Variants in CDC6 observed in about 807,000 individuals in gnomAD.
CDC6 encodes the protein cell division cycle 6.
In CDC6, 46 loss-of-function variants were observed where a neutral mutation model predicts 60.2. The ratio of observed to expected loss-of-function variants is 0.76; its 90% CI spans 0.60 to 0.98. The LOEUF is 0.98. CDC6 is among the 50% of genes least tolerant of loss of function. The pLI is 0.00. For synonymous variants in CDC6, 210 were observed against 233.2 expected, an observed-to-expected ratio of 0.90 and a Z score of 0.90; for missense variants, 596 against 652.9, an observed-to-expected ratio of 0.91 and a Z score of 0.95.
chr17:40,293,956 G>A lies in CDC6; in HGVS notation c.843G>A (p.Leu281=), dbSNP rs1421630559. 1 of 1,610,848 alleles carries A rather than the reference G, an allele frequency of 6.2e-7. No homozygotes were observed. The highest frequency in any genetic ancestry group is 8.5e-7 in the Non-Finnish European group (1 of 1,177,074). Reference sequence around the variant, plus strand: ...ACTGTTTCTCTTTTTATAGTGTGTTGGTATTGGACGAGATGGATCAACTGG... The same window carrying A: ...ACTGTTTCTCTTTTTATAGTGTGTTAGTATTGGACGAGATGGATCAACTGG... ...MTAEKGPMIV[L]VLDEMDQLDS... The change falls in exon 6 of 12, where the codon TTG becomes TTA. Residue 281 remains leucine (L), a synonymous_variant. Transcript: ENST00000209728.
chr17:40,290,642 A>G (rs1224248573), intron 2 of CDC6, among the ~76,000 whole-genome samples: 1 of 152,076 alleles, frequency 6.6e-6, no homozygotes, highest in Non-Finnish European at 1.5e-5. Context: ...CCCTACATAT[A>G]CTGTGTTTTT....
chr17:40,289,591 A>ACGT lies in CDC6; in HGVS notation c.173_175dup (p.Arg58dup), dbSNP rs1486680850. 1 of 1,613,768 alleles carries ACGT rather than the reference A, an allele frequency of 6.2e-7. No individual in the cohort carries two copies. Among genetic ancestry groups the ACGT allele is most frequent in the Non-Finnish European group, 8.5e-7 (1 of 1,179,752 alleles). On this transcript the variant is annotated inframe_insertion, in exon 2 of 12. Coordinates refer to ENST00000209728, the MANE Select transcript of CDC6 (RefSeq NM_001254.4). ...AAGCCCTGCCTCTCAGCCCCAGGAA[A>ACGT]CGTCTGGGTAAACCATCCATTATAT...
At chr17:40,296,831 A>T in intron 9 of CDC6, 64 bp downstream of exon 9, 1 of 1,050,816 alleles carries the variant, frequency 9.5e-7, no homozygotes. Flanking sequence ...CTGAGGAAAG[A>T]GGTAGAAAGA....
At position 40,291,136 on chromosome 17, in the gene CDC6, C is replaced by T. The variant is rs769905243; in HGVS notation, c.257C>T (p.Pro86Leu). The T allele has an allele frequency of 1.8e-5, 29 of 1,614,152 alleles. No individual in the cohort carries two copies. The highest frequency in any genetic ancestry group is 2.2e-5 in the Non-Finnish European group (26 of 1,179,978). ...CAAGGCAAGAAAGAGAATGGTCCCCCTCACTCACATACACTTAAGGGACGA... is the reference window on the plus strand; with the variant it reads ...CAAGGCAAGAAAGAGAATGGTCCCCTTCACTCACATACACTTAAGGGACGA... ...PKQGKKENGP[P>L]HSHTLKGRRL... The change falls in exon 3 of 12, where the codon CCT becomes CTT. Residue 86 changes from proline (P) to leucine (L), a missense_variant. Transcript: ENST00000209728.
intron 8 of CDC6, among the ~76,000 whole-genome samples, chr17:40,296,464 A>G (rs2032861289): frequency 6.6e-6 from 1 of 152,210 alleles, no homozygotes; most frequent in Non-Finnish European, 1.5e-5. Flanking sequence ...TTTCAAAGCA[A>G]TTAAGTCCCC....
chr17:40,294,161 G>A (rs749457638), intron 6 of CDC6, 105 bp downstream of exon 6: 30 of 1,047,206 alleles, frequency 2.9e-5, no homozygotes, highest in Admixed American at 1.2e-4. Flanking sequence ...GCTTTCTGCC[G>A]TGTCAAAATA....
At chr17:40,288,675 C>T (rs1598512411) in intron 1 of CDC6, among the ~76,000 whole-genome samples, 1 of 150,204 alleles carries the variant, frequency 6.7e-6, no homozygotes, top group Admixed American at 6.6e-5. Flanking sequence ...AGCTCCGCCT[C>T]CCGGGTTCAT....
In CDC6 at chr17:40,289,610, A is replaced by G. The variant is rs1431759812; in HGVS notation, c.178+12A>G. ...CAGGAAACGTCTGGGTAAACCATCC[A>G]TTATATCACTTTTTCACTAGCAGCT... On this transcript the variant is annotated intron_variant, in intron 2 of 11. Transcript: ENST00000209728. 1.2e-5 allele frequency: 20 copies of G among 1,608,952 alleles called. No homozygotes were observed. Among genetic ancestry groups the G allele is most frequent in the Non-Finnish European group, 1.7e-5 (20 of 1,176,686 alleles).
intron 5 of CDC6, 81 bp from the exon 6 acceptor site, chr17:40,293,869 A>G: frequency 8.1e-7 from 1 of 1,229,420 alleles, no homozygotes; most frequent in Non-Finnish European, 1.2e-6. Flanking sequence ...AGCTTTAGGA[A>G]AGTGACCTGA....
In CDC6 at chr17:40,290,672, C is replaced by T. The variant is rs150658784; in HGVS notation, c.179-386C>T. Among the ~76,000 whole-genome samples, 700 of 152,274 alleles carry T rather than the reference C, an allele frequency of 4.6e-3. 9 individuals carry two copies. The highest frequency in any genetic ancestry group is 8.7e-3 in the South Asian group (42 of 4,826). ...GTTTTTGATTTGATAACCAAGTCAGCTACTAAGTGACTAGTGGGTGGATAG... is the reference window on the plus strand; with the variant it reads ...GTTTTTGATTTGATAACCAAGTCAGTTACTAAGTGACTAGTGGGTGGATAG... On this transcript the variant is annotated intron_variant, in intron 2 of 11. Transcript: ENST00000209728.
chr17:40,298,091 ATTCT>A (rs371429913), intron 9 of CDC6, among the ~76,000 whole-genome samples: 7 of 152,218 alleles, frequency 4.6e-5, no homozygotes, highest in Admixed American at 4.6e-4. Flanking sequence ...TCTGCATGAA[ATTCT>A]TTCTTTTTTT....
At chr17:40,294,079 T>C (rs542054994) in intron 6 of CDC6, 23 bp downstream of exon 6, 2 of 1,481,336 alleles carry the variant, frequency 1.4e-6, no homozygotes, top group Admixed American at 1.7e-5. Context: ...TTGTTAATGT[T>C]ACATGGTGGT....
chr17:40,289,392 AT>A lies in CDC6; in HGVS notation c.-13-8del, dbSNP rs746961675. On this transcript the variant is annotated splice_polypyrimidine_tract_variant and intron_variant, in intron 1 of 11. Transcript: ENST00000209728. ...TCACATATTGACTAGTTGTCCTCTT[AT>A]TTTTTTTAATCTAGCTGTGCTGTCG... The A allele has an allele frequency of 9.2e-5, 147 of 1,597,640 alleles. No homozygotes were observed. The highest frequency in any genetic ancestry group is 1.1e-4 in the Non-Finnish European group (126 of 1,165,966).
intron 9 of CDC6, among the ~76,000 whole-genome samples, chr17:40,298,499 T>A (rs374717938): frequency 6.6e-6 from 1 of 151,962 alleles, no homozygotes; most frequent in South Asian, 2.1e-4. Flanking sequence ...TCACTGCAGC[T>A]GCAACCTCCC....
At chr17:40,288,382 G>A (rs547113365) in intron 1 of CDC6, among the ~76,000 whole-genome samples, 15 of 152,226 alleles carry the variant, frequency 9.9e-5, no homozygotes, top group Middle Eastern at 3.4e-3. Context: ...GTGCCTGGAG[G>A]GAGGAAACTA....
chr17:40,290,985 A>C, intron 2 of CDC6, 73 bp from the exon 3 acceptor site: 2 of 1,449,180 alleles, frequency 1.4e-6, no homozygotes, highest in Non-Finnish European at 1.9e-6. Context: ...TTTCTGGAAG[A>C]GGCAGAGGTC....
At position 40,294,467 on chromosome 17, in the gene CDC6, T is replaced by A. The variant is rs769959038; in HGVS notation, c.1047T>A (p.Asn349Lys). ...QLLNFPPYTR[N>K]QIVTILQDRL... Reference sequence around the variant, plus strand: ...TGAACTTCCCACCTTATACCAGAAATCAGATAGTCACTATTTTGCAAGATC... The same window carrying A: ...TGAACTTCCCACCTTATACCAGAAAACAGATAGTCACTATTTTGCAAGATC... Residue 349 changes from asparagine (N) to lysine (K), a missense_variant, in exon 7 of 12, where the codon AAT becomes AAA. Coordinates refer to ENST00000209728, the MANE Select transcript of CDC6 (RefSeq NM_001254.4). 4 of 1,614,028 alleles carry A rather than the reference T, an allele frequency of 2.5e-6. No individual in the cohort carries two copies. In the South Asian group the frequency reaches 4.4e-5, roughly 18 times the overall value.
In CDC6 at chr17:40,295,908, C is replaced by T. The variant is rs549615744; in HGVS notation, c.1184+452C>T. ...TCCAGACCTCTTTCTCCCTTCCCAT[C>T]CTCCTGCCCCTCCTGCTGGGGAAAG... On this transcript the variant is annotated intron_variant, in intron 8 of 11. Coordinates refer to ENST00000209728, the MANE Select transcript of CDC6 (RefSeq NM_001254.4). 4.2e-3 allele frequency among the ~76,000 whole-genome samples: 639 copies of T among 152,164 alleles called. 1 individual carries two copies. The highest frequency in any genetic ancestry group is 6.9e-3 in the Non-Finnish European group (470 of 67,998).
rs770368321 is a variant in CDC6, at chr17:40,296,766, A to T, written c.1248A>T (p.Glu416Asp). ...AGACTATTCTCAAACCACTGTCTGA[A>T]TGTAAGTAGTTTATCTCCTTCCTGT... is the stretch of plus-strand genomic sequence containing the variant. ...KSQTILKPLSECKSPSEPLIP... is the reference protein window; with the variant it reads ...KSQTILKPLSDCKSPSEPLIP... The change falls in exon 9 of 12, where the codon GAA (glutamate) becomes GAT (aspartate). Residue 416 changes from glutamate (E) to aspartate (D), a missense_variant and splice_region_variant. Glu to Asp is a conservative substitution (Grantham distance 45). Coordinates refer to ENST00000209728, the MANE Select transcript of CDC6 (RefSeq NM_001254.4). 6.3e-7 allele frequency: 1 copy of T among 1,583,984 alleles called. No homozygotes were observed. Among genetic ancestry groups the T allele is most frequent in the Non-Finnish European group, 8.7e-7 (1 of 1,152,564 alleles).
Sources: gnomAD v4.1 joint callset for allele counts (sites outside exome capture counted in the v4.1 genomes callset) on GRCh38, gnomAD v4.1.1 for gene constraint, MANE v1.5 for transcripts, NCBI Gene and HGNC (gene_info 2026-07-23, HGNC 2026-07-21) for gene names.